The following PCDHGA10 variants were observed in gnomAD, a reference collection of about 807,000 sequenced individuals.
PCDHGA10 encodes the protein protocadherin gamma-A10.
Under a neutral mutation model 59.5 loss-of-function variants are expected in PCDHGA10, and 42 were observed. The observed-to-expected ratio is 0.71, with a 90% CI of 0.55 to 0.91. The LOEUF (loss-of-function observed/expected upper bound fraction) is 0.91. Ranked by LOEUF, PCDHGA10 falls within the 40% of genes least tolerant of loss-of-function variation. The pLI is 0.00. For missense variants in PCDHGA10, 1,111 were observed against 1,198.2 expected, an observed-to-expected ratio of 0.93 and a Z score of 1.07; for synonymous variants, 511 against 517.2, an observed-to-expected ratio of 0.99 and a Z score of 0.16.
chr5:141,471,338 A>G (rs1562030662), intron 1 of PCDHGA10: 1 of 152,234 alleles, frequency 6.6e-6, no homozygotes, highest in Non-Finnish European at 1.5e-5. Context: ...GGTATGATCC[A>G]CTGCGCCCGG....
intron 1 of PCDHGA10, among the ~76,000 whole-genome samples, chr5:141,492,996 AG>A: frequency 6.6e-6 from 1 of 152,348 alleles, no homozygotes; most frequent in Admixed American, 6.5e-5. Flanking sequence ...GCAGATGGAA[AG>A]CTATAGGCTC....
At chr5:141,448,247 A>G (rs1449158776) in intron 1 of PCDHGA10, among the ~76,000 whole-genome samples, 1 of 152,104 alleles carries the variant, frequency 6.6e-6, no homozygotes, top group Non-Finnish European at 1.5e-5. Flanking sequence ...TTTGCACAAC[A>G]GGATCATTTT....
chr5:141,489,896 C>T lies in PCDHGA10; in HGVS notation c.2437-4911C>T, dbSNP rs765318875. 3 of 1,614,180 alleles carry T rather than the reference C, an allele frequency of 1.9e-6. No homozygotes were observed. The highest frequency in any genetic ancestry group is 1.3e-5 in the African/African-American group (1 of 75,066). On this transcript the variant is annotated intron_variant, in intron 1 of 3. Coordinates refer to ENST00000398610, the MANE Select transcript of PCDHGA10 (RefSeq NM_018913.3). The surrounding 1 kb of genome is among the most constrained non-coding windows in gnomAD (Gnocchi z 4.5). ...GTGCTTACTGCTGTGGATGGGGGGA[C>T]CCCAGCCCGCTCAGGGACCACCCTT...
At chr5:141,503,387 G>A (rs975079596) in intron 2 of PCDHGA10, among the ~76,000 whole-genome samples, 24 of 152,068 alleles carry the variant, frequency 1.6e-4, no homozygotes, top group Middle Eastern at 3.4e-3. Flanking sequence ...ATGAGGTCAG[G>A]AGTTCGAAAC....
intron 2 of PCDHGA10, among the ~76,000 whole-genome samples, chr5:141,505,066 G>A (rs1312509903): frequency 6.6e-6 from 1 of 152,190 alleles, no homozygotes; most frequent in Non-Finnish European, 1.5e-5. Flanking sequence ...GGAGACTGAG[G>A]CAGGAGAATC....
chr5:141,490,488 C>A lies in PCDHGA10; in HGVS notation c.2437-4319C>A, dbSNP rs142637733. 6.2e-7 allele frequency: 1 copy of A among 1,614,018 alleles called. No homozygotes were observed. Among genetic ancestry groups the A allele is most frequent in the African/African-American group, 1.3e-5 (1 of 74,904 alleles). ...CCAGCCAGCCTTTGGACCGGGAGGC[C>A]ACATCCCACTATATCATCGAGCTGC... On this transcript the variant is annotated intron_variant, in intron 1 of 3. Coordinates refer to ENST00000398610, the MANE Select transcript of PCDHGA10 (RefSeq NM_018913.3). The surrounding 1 kb of genome is among the most constrained non-coding windows in gnomAD (Gnocchi z 5.4).
At chr5:141,451,113 C>T (rs2098707217) in intron 1 of PCDHGA10, among the ~76,000 whole-genome samples, 1 of 152,152 alleles carries the variant, frequency 6.6e-6, no homozygotes. Context: ...CAGGCGTGAG[C>T]CACCACACCC....
chr5:141,495,702 T>C (rs1462896403), intron 2 of PCDHGA10, among the ~76,000 whole-genome samples: 3 of 152,212 alleles, frequency 2.0e-5, no homozygotes, highest in Non-Finnish European at 4.4e-5. Context: ...TCAATAAATG[T>C]GGAGTGAGTA....
At chr5:141,479,953 CAGTT>C (rs1198160373) in intron 1 of PCDHGA10, among the ~76,000 whole-genome samples, 1 of 152,182 alleles carries the variant, frequency 6.6e-6, no homozygotes, top group African/African-American at 2.4e-5. Flanking sequence ...TTGGATTTGG[CAGTT>C]AGTCAAATGA....
In PCDHGA10 at chr5:141,413,279, TCTC is replaced by T. The variant is rs759727755; in HGVS notation, c.107_109del (p.Ser36del). ...CCATGGGAGGCTGGAGCCCGGCAGA[TCTC>T]CTACTCAATTCCTGAGGAATTAGAG... On this transcript the variant is annotated inframe_deletion, in exon 1 of 4. Coordinates refer to ENST00000398610, the MANE Select transcript of PCDHGA10 (RefSeq NM_018913.3). 39 of 1,613,826 alleles carry T rather than the reference TCTC, an allele frequency of 2.4e-5. No individual in the cohort carries two copies. The highest frequency in any genetic ancestry group is 3.1e-5 in the Non-Finnish European group (37 of 1,179,908).
In PCDHGA10 at chr5:141,489,291, C is replaced by A; in HGVS notation, c.2437-5516C>A. ...TCGCTGGGAAATGGCAAGTGCTGTG[C>A]ATGTTGTCCTTGTGCTGCTGGGGCT... is the stretch of plus-strand genomic sequence containing the variant. On this transcript the variant is annotated intron_variant, in intron 1 of 3. Transcript: ENST00000398610. This position sits in a 1 kb window ranked among gnomAD's most constrained non-coding sequence, Gnocchi z 4.5. 6.3e-7 allele frequency: 1 copy of A among 1,577,628 alleles called. No homozygotes were observed. The highest frequency in any genetic ancestry group is 8.6e-7 in the Non-Finnish European group (1 of 1,161,994).
chr5:141,445,786 C>A (rs1189294394), intron 1 of PCDHGA10, among the ~76,000 whole-genome samples: 2 of 152,018 alleles, frequency 1.3e-5, no homozygotes, highest in Non-Finnish European at 2.9e-5. Flanking sequence ...GCTAGGGAGG[C>A]TAGAAACAGA....
chr5:141,430,761 T>G, intron 1 of PCDHGA10: 5 of 1,506,132 alleles, frequency 3.3e-6, no homozygotes, highest in Non-Finnish European at 3.5e-6. Context: ...AAGATAAGAA[T>G]GATTCCTGCG....
At chr5:141,504,842 A>G (rs944461166) in intron 2 of PCDHGA10, among the ~76,000 whole-genome samples, 7 of 151,968 alleles carry the variant, frequency 4.6e-5, no homozygotes, top group African/African-American at 1.7e-4. Context: ...CTAGCTCTGG[A>G]ACATTCTCTT....
At chr5:141,418,877 G>T in intron 1 of PCDHGA10, 1 of 1,613,960 alleles carries the variant, frequency 6.2e-7, no homozygotes, top group Non-Finnish European at 8.5e-7. Context: ...AGTTGTAGAC[G>T]AAAACGACAA....
rs758139838 is a variant in PCDHGA10, at chr5:141,431,419, G to C, written c.2436+15808G>C. The C allele has an allele frequency of 1.5e-5, 25 of 1,613,700 alleles. No individual in the cohort carries two copies. The highest frequency in any genetic ancestry group is 2.0e-5 in the Non-Finnish European group (24 of 1,180,046). On this transcript the variant is annotated intron_variant, in intron 1 of 3. Coordinates refer to ENST00000398610, the MANE Select transcript of PCDHGA10 (RefSeq NM_018913.3). This position sits in a 1 kb window ranked among gnomAD's most constrained non-coding sequence, Gnocchi z 4.8. ...TTACGGCCTCCGACGGGGGCGACCC[G>C]GTGCGCACAGGCACCGCGCGCATCC... is the stretch of plus-strand genomic sequence containing the variant.
At position 141,477,529 on chromosome 5, in the gene PCDHGA10, C is replaced by G; in HGVS notation, c.2437-17278C>G. ...ACGTTTACATTGAAGAAAACAACCT[C>G]CCCGGGGCTCCAATACTAAACCTAA... On this transcript the variant is annotated intron_variant, in intron 1 of 3. Transcript: ENST00000398610. The surrounding 1 kb of genome is among the most constrained non-coding windows in gnomAD (Gnocchi z 4.9). 6.2e-7 allele frequency: 1 copy of G among 1,614,172 alleles called. No homozygotes were observed. The highest frequency in any genetic ancestry group is 8.5e-7 in the Non-Finnish European group (1 of 1,180,032).
chr5:141,483,716 G>C (rs772661472), intron 1 of PCDHGA10, among the ~76,000 whole-genome samples: 1 of 151,974 alleles, frequency 6.6e-6, no homozygotes, highest in Non-Finnish European at 1.5e-5. Context: ...CCAGAATATT[G>C]GTTCCCACCA....
chr5:141,491,253 T>C lies in PCDHGA10; in HGVS notation c.2437-3554T>C, dbSNP rs71583648. The C allele has an allele frequency of 2.3e-3, 3,639 of 1,614,176 alleles. 33 individuals carry two copies. The African/African-American group carries it at 0.026, about 11-fold the overall frequency. Reference sequence around the variant, plus strand: ...TGCTGGTTCTGGAGGATGAGGACCCTGAGGAAATGCCCAAATCCAGTGACT... The same window carrying C: ...TGCTGGTTCTGGAGGATGAGGACCCCGAGGAAATGCCCAAATCCAGTGACT... On this transcript the variant is annotated intron_variant, in intron 1 of 3. Coordinates refer to ENST00000398610, the MANE Select transcript of PCDHGA10 (RefSeq NM_018913.3). This position sits in a 1 kb window ranked among gnomAD's most constrained non-coding sequence, Gnocchi z 6.9.
Sources: gnomAD v4.1 joint callset for allele counts (sites outside exome capture counted in the v4.1 genomes callset) on GRCh38, gnomAD v4.1.1 for gene constraint, Gnocchi (gnomAD v3.1) non-coding constraint, MANE v1.5 for transcripts, NCBI Gene and HGNC (gene_info 2026-07-23, HGNC 2026-07-21) for gene names.